ELMO1: variants seen among roughly 807,000 people sequenced by gnomAD.
ELMO1 encodes engulfment and cell motility 1, also known as engulfment and cell motility protein 1.
ELMO1 carries 26 observed loss-of-function variants against 98.9 expected under a neutral mutation model. The observed-to-expected ratio is 0.26, with a 90% confidence interval of 0.19 to 0.36. ELMO1 has a LOEUF of 0.36. ELMO1 is among the 10% of genes least tolerant of loss of function. The pLI, the probability that ELMO1 is intolerant of heterozygous loss-of-function variation, is 1.00. For synonymous variants in ELMO1, 346 were observed against 346.0 expected, an observed-to-expected ratio of 1.00 and a Z score of 0.00; for missense variants, 627 against 935.2, an observed-to-expected ratio of 0.67 and a Z score of 4.30.
chr7:37,072,148 A>G (rs1398394051), intron 15 of ELMO1, among the ~76,000 whole-genome samples: 1 of 152,234 alleles, frequency 6.6e-6, no homozygotes, highest in African/African-American at 2.4e-5. Flanking sequence ...GTTAAAGTAC[A>G]TGAAGCACCA....
intron 17 of ELMO1, among the ~76,000 whole-genome samples, chr7:36,890,455 G>A (rs1327389725): frequency 2.0e-5 from 3 of 152,102 alleles, no homozygotes; most frequent in Admixed American, 1.3e-4. Flanking sequence ...TGGACGTCTC[G>A]TAGCTTCACA....
At chr7:37,303,145 T>C (rs950797717) in intron 4 of ELMO1, among the ~76,000 whole-genome samples, 1 of 152,224 alleles carries the variant, frequency 6.6e-6, no homozygotes, top group Non-Finnish European at 1.5e-5. Flanking sequence ...TATAGAGCAC[T>C]GTGCTAGACA....
chr7:36,950,127 CACAGAAA>C (rs1175563159), intron 16 of ELMO1, among the ~76,000 whole-genome samples: 1 of 136,202 alleles, frequency 7.3e-6, no homozygotes, highest in Non-Finnish European at 1.6e-5. Context: ...CCTAAACAGA[CACAGAAA>C]ACAAGAAACA....
chr7:37,192,348 C>T (rs34980749), intron 13 of ELMO1, among the ~76,000 whole-genome samples: 6 of 151,182 alleles, frequency 4.0e-5, no homozygotes, highest in Admixed American at 2.6e-4. Flanking sequence ...TACAAAAATT[C>T]GCTGGATGTG....
intron 13 of ELMO1, among the ~76,000 whole-genome samples, chr7:37,148,018 T>C (rs959316610): frequency 6.6e-6 from 1 of 152,124 alleles, no homozygotes; most frequent in African/African-American, 2.4e-5. Flanking sequence ...GCAGAGAAGA[T>C]TTTGTCCTGA....
At chr7:37,205,076 G>C (rs1023761006) in intron 13 of ELMO1, among the ~76,000 whole-genome samples, 1 of 152,206 alleles carries the variant, frequency 6.6e-6, no homozygotes, top group African/African-American at 2.4e-5. Flanking sequence ...CAGAAGCCCA[G>C]CCGGCTTCAC....
chr7:37,316,399 G>A (rs1475430492), intron 2 of ELMO1, among the ~76,000 whole-genome samples: 4 of 152,216 alleles, frequency 2.6e-5, no homozygotes, highest in Non-Finnish European at 5.9e-5. Context: ...ATAAGAACAT[G>A]TGGCAAATGG....
At chr7:37,404,004 G>A (rs1374350995) in intron 1 of ELMO1, among the ~76,000 whole-genome samples, 1 of 152,006 alleles carries the variant, frequency 6.6e-6, no homozygotes, top group African/African-American at 2.4e-5. Context: ...GTGGATAGCA[G>A]GCATATATTG....
At chr7:37,408,692 G>C (rs1481385170) in intron 1 of ELMO1, among the ~76,000 whole-genome samples, 1 of 152,136 alleles carries the variant, frequency 6.6e-6, no homozygotes, top group African/African-American at 2.4e-5. Context: ...TATACTTCTA[G>C]GGATTATTTA....
At chr7:37,398,353 A>C (rs12671707) in intron 1 of ELMO1, among the ~76,000 whole-genome samples, 1 of 152,020 alleles carries the variant, frequency 6.6e-6, no homozygotes, top group East Asian at 1.9e-4. Flanking sequence ...CAAAAACCCA[A>C]TCTATATATT....
chr7:37,106,149 GAT>G (rs1325188559), intron 14 of ELMO1, among the ~76,000 whole-genome samples: 1 of 152,208 alleles, frequency 6.6e-6, no homozygotes. Context: ...GCATTTTACA[GAT>G]GAGGAAGCCA....
rs370848702 is a variant in ELMO1, at chr7:37,175,089, A to G, written c.1086+36297T>C. On this transcript the variant is annotated intron_variant, in intron 13 of 21. Coordinates refer to ENST00000310758, the MANE Select transcript of ELMO1 (RefSeq NM_014800.11). ...TATAGAAAAAAGGAGTGGAAGGGAA[A>G]AAAGGAAGGCGGGAAAAGAAAAGAG... Among the ~76,000 whole-genome samples, 64 of 152,354 alleles carry G rather than the reference A, an allele frequency of 4.2e-4. 1 individual carries two copies. In the South Asian group the frequency reaches 0.013, roughly 30 times the overall value.
intron 15 of ELMO1, among the ~76,000 whole-genome samples, chr7:37,031,813 T>C (rs1794898382): frequency 6.6e-6 from 1 of 152,178 alleles, no homozygotes; most frequent in Non-Finnish European, 1.5e-5. Flanking sequence ...CAAAAATTAT[T>C]CTTCTCCTCA....
chr7:37,026,235 C>G (rs1794570697), intron 15 of ELMO1, among the ~76,000 whole-genome samples: 1 of 152,126 alleles, frequency 6.6e-6, no homozygotes, highest in African/African-American at 2.4e-5. Flanking sequence ...GATTAATGAG[C>G]AGCTGGGATG....
intron 17 of ELMO1, among the ~76,000 whole-genome samples, chr7:36,892,331 A>AT (rs1805627962): frequency 1.3e-5 from 2 of 152,024 alleles, no homozygotes; most frequent in African/African-American, 4.8e-5. Flanking sequence ...CTTAAGGGTG[A>AT]TTTTCAGCTC....
intron 19 of ELMO1, among the ~76,000 whole-genome samples, chr7:36,876,567 C>T (rs1434907328): frequency 6.6e-6 from 1 of 152,076 alleles, no homozygotes; most frequent in Non-Finnish European, 1.5e-5. Context: ...GGCTGGTCCC[C>T]ACCCACTGAG....
rs1802015518 is a variant in ELMO1, at chr7:36,853,889, A to G, written c.*1662T>C. 6.6e-6 allele frequency among the ~76,000 whole-genome samples: 1 copy of G among 152,146 alleles called. No homozygotes were observed. Among genetic ancestry groups the G allele is most frequent in the African/African-American group, 2.4e-5 (1 of 41,426 alleles). On this transcript the variant is annotated 3_prime_UTR_variant, in exon 22 of 22. Coordinates refer to ENST00000310758, the MANE Select transcript of ELMO1 (RefSeq NM_014800.11). ...AAGAAACATCCTTCGCTGGGCTCTG[A>G]CCTATAATTTATTAACCCACGGTTA...
intron 5 of ELMO1, 195 bp downstream of exon 5, chr7:37,271,637 A>C: frequency 1.7e-6 from 1 of 574,458 alleles, no homozygotes; most frequent in Non-Finnish European, 3.0e-6. Context: ...TTCGCCTGGA[A>C]TAAGGTCTTC....
At chr7:37,211,760 C>G (rs1339908544) in intron 12 of ELMO1, among the ~76,000 whole-genome samples, 1 of 152,202 alleles carries the variant, frequency 6.6e-6, no homozygotes, top group African/African-American at 2.4e-5. Context: ...AAGTAGTTAT[C>G]TGGAGCACGA....
Sources: gnomAD v4.1 joint callset for allele counts (sites outside exome capture counted in the v4.1 genomes callset) on GRCh38, gnomAD v4.1.1 for gene constraint, MANE v1.5 for transcripts, NCBI Gene and HGNC (gene_info 2026-07-23, HGNC 2026-07-21) for gene names.